PDE10A: variants seen among roughly 807,000 people sequenced by gnomAD.
PDE10A encodes the protein phosphodiesterase 10A, also known as cAMP and cAMP-inhibited cGMP 3',5'-cyclic phosphodiesterase 10A.
Under a neutral mutation model 97.7 loss-of-function variants are expected in PDE10A, and 39 were observed. The ratio of observed to expected loss-of-function variants is 0.40; its 90% CI spans 0.31 to 0.52. The LOEUF is 0.52. Among genes scored for constraint, PDE10A ranks in the 20% least tolerant of loss-of-function variants. The probability of loss-of-function intolerance (pLI) is 0.56; values close to 1 mark genes in which losing one functional copy is unlikely to be tolerated. For missense variants in PDE10A, 731 were observed against 1,047.8 expected (o/e 0.70, Z 4.17); for synonymous variants, 371 against 376.8 (o/e 0.98, Z 0.18).
At position 165,604,518 on chromosome 6, in the gene PDE10A, T is replaced by TAAAAAAA. The variant is rs34272357; in HGVS notation, c.865+57422_865+57428dup. Among the ~76,000 whole-genome samples, 766 of 137,704 alleles carry TAAAAAAA rather than the reference T, an allele frequency of 5.6e-3. 16 individuals carry two copies. In the East Asian group the frequency reaches 0.065, roughly 12 times the overall value. The allele number at this position is 137,704 out of a possible 152,430, so 90.3% of individuals were successfully genotyped here. ...ACAAGACTGCACTTACTCTCTTTGT[T>TAAAAAAA]AAAAAAAAAAAAAAAAAGTGTTACT... On this transcript the variant is annotated intron_variant, in intron 1 of 21. Coordinates refer to ENST00000539869, the MANE Select transcript of PDE10A (RefSeq NM_001385079.1).
chr6:165,410,683 C>T (rs1267697800), intron 13 of PDE10A, among the ~76,000 whole-genome samples: 5 of 152,012 alleles, frequency 3.3e-5, no homozygotes, highest in African/African-American at 9.7e-5. Flanking sequence ...GGCTCAGTGA[C>T]GAAGCACATG....
chr6:165,570,460 C>T (rs1276903213), intron 1 of PDE10A, among the ~76,000 whole-genome samples: 1 of 152,138 alleles, frequency 6.6e-6, no homozygotes, highest in Non-Finnish European at 1.5e-5. Context: ...CATATACTTT[C>T]AAAACATACA....
chr6:165,441,744 T>C (rs1790485289), intron 5 of PDE10A, among the ~76,000 whole-genome samples: 1 of 152,204 alleles, frequency 6.6e-6, no homozygotes, highest in African/African-American at 2.4e-5. Flanking sequence ...GGCTCATCAC[T>C]GTCTCCCCGG....
chr6:165,964,670 T>C (rs1278762039), intron 1 of PDE10A, among the ~76,000 whole-genome samples: 1 of 152,214 alleles, frequency 6.6e-6, no homozygotes, highest in Non-Finnish European at 1.5e-5. Context: ...GTCCCTGTTA[T>C]CCAGCAGTGC....
At chr6:165,526,055 A>T (rs1782425127) in intron 2 of PDE10A, among the ~76,000 whole-genome samples, 1 of 152,172 alleles carries the variant, frequency 6.6e-6, no homozygotes, top group Non-Finnish European at 1.5e-5. Context: ...CCCCTTGAAG[A>T]AGGACCCCAC....
intron 1 of PDE10A, among the ~76,000 whole-genome samples, chr6:165,584,826 C>A (rs1562603335): frequency 6.6e-6 from 1 of 152,144 alleles, no homozygotes; most frequent in Non-Finnish European, 1.5e-5. Context: ...GTCTGGGTCA[C>A]CCTACAGGCA....
At chr6:165,346,317 AG>A (rs1782305200) in intron 18 of PDE10A, among the ~76,000 whole-genome samples, 1 of 152,196 alleles carries the variant, frequency 6.6e-6, no homozygotes, top group Non-Finnish European at 1.5e-5. Flanking sequence ...CAGGGGGAGT[AG>A]GAGGATTCCA....
intron 17 of PDE10A, among the ~76,000 whole-genome samples, chr6:165,380,345 G>A (rs1664030227): frequency 6.6e-6 from 1 of 152,056 alleles, no homozygotes; most frequent in South Asian, 2.1e-4. Flanking sequence ...AATGATTGAA[G>A]CATATTTCTT....
intron 1 of PDE10A, among the ~76,000 whole-genome samples, chr6:165,659,889 T>G (rs574368322): frequency 6.6e-6 from 1 of 152,128 alleles, no homozygotes; most frequent in Admixed American, 6.5e-5. Flanking sequence ...AGCAGGGCCC[T>G]GAACACACGA....
At chr6:165,381,312 T>C (rs1466163831) in intron 17 of PDE10A, among the ~76,000 whole-genome samples, 1 of 152,180 alleles carries the variant, frequency 6.6e-6, no homozygotes, top group African/African-American at 2.4e-5. Flanking sequence ...AGAATGTATA[T>C]ATTCTACTGA....
intron 1 of PDE10A, among the ~76,000 whole-genome samples, chr6:165,695,518 C>T (rs1326701787): frequency 6.6e-6 from 1 of 152,210 alleles, no homozygotes; most frequent in South Asian, 2.1e-4. Flanking sequence ...ATCTTGTCCC[C>T]TAACCCCTCA....
chr6:165,959,810 G>A (rs748711434), intron 1 of PDE10A, among the ~76,000 whole-genome samples: 1 of 152,154 alleles, frequency 6.6e-6, no homozygotes, highest in South Asian at 2.1e-4. Flanking sequence ...CCTGGGGAGG[G>A]GCAACTTAGG....
chr6:165,953,466 C>T (rs907384338), intron 1 of PDE10A, among the ~76,000 whole-genome samples: 1 of 151,978 alleles, frequency 6.6e-6, no homozygotes, highest in African/African-American at 2.4e-5. Context: ...TGGCGCACAC[C>T]TATAATCCCA....
intron 1 of PDE10A, among the ~76,000 whole-genome samples, chr6:165,546,091 G>A (rs1334781993): frequency 6.6e-6 from 1 of 151,932 alleles, no homozygotes; most frequent in Non-Finnish European, 1.5e-5. Context: ...AAAAAGAAAC[G>A]GGCTAACAAG....
At chr6:165,927,125 T>C (rs897204996) in intron 1 of PDE10A, among the ~76,000 whole-genome samples, 1 of 152,020 alleles carries the variant, frequency 6.6e-6, no homozygotes, top group Non-Finnish European at 1.5e-5. Context: ...ATACCTAAGG[T>C]AGATGACAGG....
At chr6:165,507,034 T>C (rs1310503670) in intron 2 of PDE10A, among the ~76,000 whole-genome samples, 1 of 152,186 alleles carries the variant, frequency 6.6e-6, no homozygotes, top group Non-Finnish European at 1.5e-5. Context: ...CATTTGGTGA[T>C]CCTGGAAAGA....
At chr6:165,918,985 G>A (rs1025245700) in intron 1 of PDE10A, among the ~76,000 whole-genome samples, 3 of 152,126 alleles carry the variant, frequency 2.0e-5, no homozygotes, top group African/African-American at 4.8e-5. Flanking sequence ...TTTCTGGAGA[G>A]GGCTTTGCAC....
chr6:165,769,344 A>G (rs977482759), intron 1 of PDE10A, among the ~76,000 whole-genome samples: 1 of 152,226 alleles, frequency 6.6e-6, no homozygotes, highest in Non-Finnish European at 1.5e-5. Flanking sequence ...GTTATCTGGT[A>G]GCCAGTAATT....
intron 1 of PDE10A, among the ~76,000 whole-genome samples, chr6:165,942,358 C>T (rs1583317693): frequency 6.6e-6 from 1 of 152,042 alleles, no homozygotes; most frequent in African/African-American, 2.4e-5. Flanking sequence ...TAAAGACTCC[C>T]TGAAGCTTGT....
Sources: allele counts gnomAD v4.1 joint callset (sites outside exome capture counted in the v4.1 genomes callset), GRCh38; gene constraint gnomAD v4.1.1; transcripts MANE v1.5; gene names NCBI Gene and HGNC (gene_info 2026-07-23, HGNC 2026-07-21).